The following SORCS1 variants were observed in gnomAD, a reference collection of about 807,000 sequenced individuals.
The protein encoded by SORCS1 is VPS10 domain-containing receptor SorCS1.
A neutral mutation model predicts 146.1 loss-of-function variants in SORCS1; 60 were observed. The observed-to-expected ratio is 0.41, with a 90% CI of 0.33 to 0.51. The LOEUF (loss-of-function observed/expected upper bound fraction) is 0.51. Among genes scored for constraint, SORCS1 ranks in the 20% least tolerant of loss-of-function variants. The probability of loss-of-function intolerance (pLI) is 0.21; values close to 1 mark genes in which losing one functional copy is unlikely to be tolerated. For synonymous variants in SORCS1, 637 were observed against 584.0 expected (o/e 1.09, Z -1.31); for missense variants, 1,352 against 1,487.6 (o/e 0.91, Z 1.50).
Position 106,882,275 on chromosome 10 carries a change from T to A in SORCS1, c.627-52602A>T, listed in dbSNP as rs60924300. Among the ~76,000 whole-genome samples, 186 of 126,442 alleles carry A rather than the reference T, an allele frequency of 1.5e-3. 3 individuals carry two copies. The highest frequency in any genetic ancestry group is 7.7e-3 in the African/African-American group (179 of 23,340). 83.0% of individuals were successfully genotyped at this position (126,442 alleles called of 152,430 possible). ...TAACATTAATGATAGCTGATGAGCTTAAAAAAAAAAAATCACCAAAAAAGT... is the reference window on the plus strand; with the variant it reads ...TAACATTAATGATAGCTGATGAGCTAAAAAAAAAAAAATCACCAAAAAAGT... On this transcript the variant is annotated intron_variant, in intron 2 of 25. Transcript: ENST00000263054.
chr10:106,852,624 T>C (rs1949630802), intron 2 of SORCS1, among the ~76,000 whole-genome samples: 2 of 105,166 alleles, frequency 1.9e-5, no homozygotes, highest in African/African-American at 3.7e-5. Context: ...CGAGACCCTG[T>C]CTCAAAAAAA....
intron 3 of SORCS1, among the ~76,000 whole-genome samples, chr10:106,805,361 C>T (rs1015153242): frequency 6.6e-6 from 1 of 152,136 alleles, no homozygotes; most frequent in Admixed American, 6.5e-5. Context: ...AATCTATTAC[C>T]TTTGGGGTCC....
intron 1 of SORCS1, among the ~76,000 whole-genome samples, chr10:107,038,118 C>T (rs553417282): frequency 1.8e-4 from 28 of 152,288 alleles, no homozygotes; most frequent in African/African-American, 5.1e-4. Flanking sequence ...CCACTGCACC[C>T]GGCCCTTTAT....
At chr10:106,953,490 A>T (rs542491500) in intron 2 of SORCS1, among the ~76,000 whole-genome samples, 1 of 151,664 alleles carries the variant, frequency 6.6e-6, no homozygotes, top group South Asian at 2.1e-4. Flanking sequence ...GAATTAACAG[A>T]TCTAAAACCC....
At chr10:106,906,269 C>T (rs1056060100) in intron 2 of SORCS1, among the ~76,000 whole-genome samples, 1 of 152,190 alleles carries the variant, frequency 6.6e-6, no homozygotes, top group African/African-American at 2.4e-5. Context: ...TGCCCACCAC[C>T]ACGCCTGGCT....
intron 3 of SORCS1, among the ~76,000 whole-genome samples, chr10:106,777,243 A>G (rs1281959286): frequency 6.6e-6 from 1 of 152,176 alleles, no homozygotes; most frequent in East Asian, 1.9e-4. Flanking sequence ...GAATTTCACA[A>G]AGGCTATTTT....
intron 12 of SORCS1, 112 bp downstream of exon 12, chr10:106,679,138 TTCACAG>T: frequency 1.5e-6 from 1 of 646,728 alleles, no homozygotes; most frequent in South Asian, 2.3e-5. Flanking sequence ...AATAAACATA[TTCACAG>T]TCATTAGGAT....
intron 1 of SORCS1, among the ~76,000 whole-genome samples, chr10:107,038,437 G>T (rs2133974199): frequency 6.6e-6 from 1 of 151,824 alleles, no homozygotes; most frequent in African/African-American, 2.4e-5. Context: ...TATACCTAAT[G>T]CTAAATGACG....
At chr10:106,986,413 C>A (rs764376054) in intron 1 of SORCS1, among the ~76,000 whole-genome samples, 2 of 151,952 alleles carry the variant, frequency 1.3e-5, no homozygotes, top group African/African-American at 4.8e-5. Context: ...CTTAGCCATA[C>A]CATAGTCAAA....
At position 106,709,318 on chromosome 10, in the gene SORCS1, T is replaced by A. The variant is rs771998165; in HGVS notation, c.1048A>T (p.Met350Leu). 8 of 1,613,704 alleles carry A rather than the reference T, an allele frequency of 5.0e-6. No homozygotes were observed. Among genetic ancestry groups the A allele is most frequent in the Admixed American group, 1.7e-5 (1 of 59,986 alleles). ...CTGTTGGCCTCTGTACAGTTCTGCA[T>A]TCGGCAAGTTAGATAATGTGAATCT... The part of the protein sequence containing the change: ...DGHSHYLTCR[M>L]QNCTEANRNQ... The change falls in exon 7 of 26, where the codon ATG (methionine) becomes TTG (leucine). Residue 350 changes from methionine (M) to leucine (L), a missense_variant. Transcript: ENST00000263054.
At chr10:106,780,373 T>C (rs1209187416) in intron 3 of SORCS1, among the ~76,000 whole-genome samples, 1 of 152,248 alleles carries the variant, frequency 6.6e-6, no homozygotes, top group Admixed American at 6.5e-5. Flanking sequence ...TGTTTTGTTG[T>C]GTTTACTTCT....
At chr10:106,603,982 G>C (rs578091112) in intron 23 of SORCS1, among the ~76,000 whole-genome samples, 1 of 152,282 alleles carries the variant, frequency 6.6e-6, no homozygotes, top group East Asian at 1.9e-4. Context: ...AAACAGGTCA[G>C]ACAAGTGAAA....
At chr10:107,029,781 C>A (rs148887621) in intron 1 of SORCS1, among the ~76,000 whole-genome samples, 41 of 152,298 alleles carry the variant, frequency 2.7e-4, no homozygotes, top group African/African-American at 7.5e-4. Flanking sequence ...CAAACTCATT[C>A]TATTTTCTCA....
intron 1 of SORCS1, among the ~76,000 whole-genome samples, chr10:106,989,055 T>C (rs977715994): frequency 1.4e-4 from 21 of 151,284 alleles, no homozygotes; most frequent in African/African-American, 5.1e-4. Context: ...GGTCAGGAGT[T>C]TGAGACCAGC....
intron 1 of SORCS1, among the ~76,000 whole-genome samples, chr10:107,110,118 C>G (rs954601564): frequency 8.5e-5 from 13 of 152,162 alleles, no homozygotes; most frequent in Admixed American, 2.6e-4. Context: ...TGGTCACAAC[C>G]ATTTAAATAG....
intron 1 of SORCS1, among the ~76,000 whole-genome samples, chr10:107,049,395 T>G (rs938272788): frequency 4.6e-5 from 7 of 151,840 alleles, no homozygotes; most frequent in African/African-American, 1.7e-4. Flanking sequence ...ATCGTGCACA[T>G]GTACCCTAAA....
intron 4 of SORCS1, among the ~76,000 whole-genome samples, chr10:106,766,273 T>C (rs1490611597): frequency 1.3e-5 from 2 of 152,196 alleles, no homozygotes; most frequent in Non-Finnish European, 2.9e-5. Context: ...AGTTCTATTT[T>C]ATTTGCCTCA....
chr10:106,684,486 G>T (rs1348993529), intron 10 of SORCS1, among the ~76,000 whole-genome samples: 2 of 152,172 alleles, frequency 1.3e-5, no homozygotes, highest in Admixed American at 1.3e-4. Flanking sequence ...CCAATCCTGA[G>T]GCATTGGACG....
chr10:106,877,363 G>T (rs2137659257), intron 2 of SORCS1, among the ~76,000 whole-genome samples: 1 of 152,090 alleles, frequency 6.6e-6, no homozygotes, highest in African/African-American at 2.4e-5. Context: ...AGGGAGGATT[G>T]CTTGAGGCTA....
Sources: gnomAD v4.1 joint callset for allele counts (sites outside exome capture counted in the v4.1 genomes callset) on GRCh38, gnomAD v4.1.1 for gene constraint, MANE v1.5 for transcripts, NCBI Gene and HGNC (gene_info 2026-07-23, HGNC 2026-07-21) for gene names.